TRPM1: variants seen among roughly 807,000 people sequenced by gnomAD.
The protein encoded by TRPM1 is TRPM1-203 APA Isoform, Intron 10.
TRPM1 carries 113 observed loss-of-function variants against 149.4 expected under a neutral mutation model. The ratio of observed to expected loss-of-function variants is 0.76; its 90% CI spans 0.65 to 0.88. The LOEUF is 0.88. Among genes scored for constraint, TRPM1 ranks in the 40% least tolerant of loss-of-function variants. TRPM1 has a pLI of 0.00. For missense variants in TRPM1, 1,976 were observed against 2,038.7 expected, an observed-to-expected ratio of 0.97 and a Z score of 0.59; for synonymous variants, 741 against 759.5, an observed-to-expected ratio of 0.98 and a Z score of 0.40.
chr15:31,113,863 T>C (rs538911602), intron 1 of TRPM1, among the ~76,000 whole-genome samples: 5 of 152,186 alleles, frequency 3.3e-5, no homozygotes, highest in African/African-American at 4.8e-5. Flanking sequence ...TCCCACACGC[T>C]GGAAGGGTAC....
At chr15:31,115,673 C>T (rs2035788596) in intron 1 of TRPM1, among the ~76,000 whole-genome samples, 1 of 151,852 alleles carries the variant, frequency 6.6e-6, no homozygotes, top group Non-Finnish European at 1.5e-5. Flanking sequence ...AGAAAAATCC[C>T]TTCCTGTTTC....
chr15:31,122,534 T>C (rs113258433), intron 1 of TRPM1, among the ~76,000 whole-genome samples: 349 of 152,244 alleles, frequency 2.3e-3, no homozygotes, highest in African/African-American at 8.0e-3. Context: ...TTCCTATATA[T>C]CAGATATGAA....
At chr15:31,039,682 A>T (rs2033548290) in intron 18 of TRPM1, among the ~76,000 whole-genome samples, 1 of 152,180 alleles carries the variant, frequency 6.6e-6, no homozygotes, top group Admixed American at 6.5e-5. Context: ...ATGTCATGAA[A>T]ACATCACTAG....
At chr15:31,150,902 AG>A (rs1316583725) in intron 1 of TRPM1, among the ~76,000 whole-genome samples, 3 of 152,166 alleles carry the variant, frequency 2.0e-5, no homozygotes, top group African/African-American at 7.2e-5. Flanking sequence ...ATGCGCAGTA[AG>A]GGGAACAAAG....
rs191812268 is a variant in TRPM1 at position 31,149,340 on chromosome 15, G to T, written c.54+11566C>A. Among the ~76,000 whole-genome samples, 353 of 152,254 alleles carry T rather than the reference G, an allele frequency of 2.3e-3. 2 individuals are homozygous for T. The highest frequency in any genetic ancestry group is 8.1e-3 in the African/African-American group (336 of 41,544). Reference sequence around the variant, plus strand: ...GCTTAGCTGAGGGGGGCGGGTGTGTGTGTTCTCTGGCCGTGCTTAAGAAAC... The same window carrying T: ...GCTTAGCTGAGGGGGGCGGGTGTGTTTGTTCTCTGGCCGTGCTTAAGAAAC... On this transcript the variant is annotated intron_variant, in intron 1 of 26. Transcript: ENST00000542188.
At chr15:31,036,542 C>T (rs1171382249) in intron 20 of TRPM1, among the ~76,000 whole-genome samples, 1 of 152,146 alleles carries the variant, frequency 6.6e-6, no homozygotes, top group East Asian at 1.9e-4. Context: ...AAGATTAGAG[C>T]CATGTTCTCA....
rs1275047171 is a variant in TRPM1 at position 31,002,229 on chromosome 15, C to G, written c.4471G>C (p.Glu1491Gln). The change falls in exon 28 of 28, where the codon GAA becomes CAA. Residue 1491 changes from glutamate to glutamine, a missense_variant. Around this residue, in one of 3 missense-constraint regions of TRPM1, gnomAD observed 572 missense variants for 578.9 expected, o/e 0.99. Transcript: ENST00000256552. ...SSITDQQLTT[E>Q]WQCQVQKITR... ...ATCTTTTGAACTTGGCATTGCCATTCCGTCGTCAATTGCTGGTCCGTGATT... is the reference window on the plus strand; with the variant it reads ...ATCTTTTGAACTTGGCATTGCCATTGCGTCGTCAATTGCTGGTCCGTGATT... The G allele has an allele frequency of 3.1e-6, 5 of 1,614,132 alleles. No homozygotes were observed. Among genetic ancestry groups the G allele is most frequent in the Admixed American group, 1.7e-5 (1 of 60,012 alleles).
chr15:31,091,464 C>T (rs1029962634), intron 1 of TRPM1, among the ~76,000 whole-genome samples: 7 of 152,166 alleles, frequency 4.6e-5, no homozygotes, highest in Non-Finnish European at 7.3e-5. Flanking sequence ...AGCAGGTTGG[C>T]CAGTTAGCTG....
chr15:31,042,994 C>T (rs186459994), intron 16 of TRPM1, among the ~76,000 whole-genome samples: 186 of 152,318 alleles, frequency 1.2e-3, no homozygotes, highest in African/African-American at 4.3e-3. Context: ...GCGTTCCCAT[C>T]AGTTATCTTC....
At chr15:31,113,675 G>A (rs1226761298) in intron 1 of TRPM1, among the ~76,000 whole-genome samples, 2 of 151,738 alleles carry the variant, frequency 1.3e-5, no homozygotes, top group Non-Finnish European at 2.9e-5. Context: ...CATCACCCAC[G>A]TTTTAAGACT....
intron 27 of TRPM1, among the ~76,000 whole-genome samples, chr15:31,011,448 G>A (rs2032178444): frequency 6.6e-6 from 1 of 151,674 alleles, no homozygotes; most frequent in Non-Finnish European, 1.5e-5. Flanking sequence ...AAGATATGGG[G>A]CCCTGCTATG....
At chr15:31,099,948 C>G (rs2035476490) in intron 1 of TRPM1, among the ~76,000 whole-genome samples, 2 of 152,156 alleles carry the variant, frequency 1.3e-5, no homozygotes, top group African/African-American at 4.8e-5. Flanking sequence ...GTTCTTAATT[C>G]CTCCCTAAAT....
intron 12 of TRPM1, 24 bp from the exon 13 acceptor site, chr15:31,049,533 C>A (rs998371253): frequency 6.2e-7 from 1 of 1,612,928 alleles, no homozygotes; most frequent in Non-Finnish European, 8.5e-7. Flanking sequence ...GGGCCGGGAG[C>A]CTGTGAGTGG....
At chr15:31,038,844 T>C (rs887684257) in intron 18 of TRPM1, among the ~76,000 whole-genome samples, 2 of 152,096 alleles carry the variant, frequency 1.3e-5, no homozygotes, top group African/African-American at 4.8e-5. Flanking sequence ...GTATTTTATA[T>C]AGAAATAACT....
intron 1 of TRPM1, among the ~76,000 whole-genome samples, chr15:31,134,140 G>C (rs189643588): frequency 2.0e-5 from 3 of 152,328 alleles, no homozygotes; most frequent in South Asian, 2.1e-4. Flanking sequence ...CTCAGGTTGG[G>C]CTGGGCTTAG....
rs555757735 is a variant in TRPM1, at chr15:31,149,956, T to C, written c.54+10950A>G. Among the ~76,000 whole-genome samples, 76 of 152,350 alleles carry C rather than the reference T, an allele frequency of 5.0e-4. 1 individual carries two copies. The highest frequency in any genetic ancestry group is 3.4e-3 in the Middle Eastern group (1 of 294). Reference sequence around the variant, plus strand: ...CAAATTCTTTTCTTTTCTGTCTTTCTTTCTTAAATATCCTGTGCTTGCTGC... The same window carrying C: ...CAAATTCTTTTCTTTTCTGTCTTTCCTTCTTAAATATCCTGTGCTTGCTGC... On this transcript the variant is annotated intron_variant, in intron 1 of 26. Transcript: ENST00000542188.
At chr15:31,007,222 G>T (rs185902204) in intron 27 of TRPM1, among the ~76,000 whole-genome samples, 139 of 152,236 alleles carry the variant, frequency 9.1e-4, no homozygotes, top group Non-Finnish European at 1.8e-3. Context: ...ATGTCAAACT[G>T]TCCTAACACC....
rs767969935 is a variant in TRPM1, at chr15:31,047,219, G to T, written c.1656C>A (p.Leu552=). ...ACTCCAGCACGAGCCCGATGTCTATGAGGCTGATGTGGTAATCAGGCGGAA... is the reference window on the plus strand; with the variant it reads ...ACTCCAGCACGAGCCCGATGTCTATTAGGCTGATGTGGTAATCAGGCGGAA... The part of the protein sequence containing the change: ...SNLPPDYHIS[L]IDIGLVLEYL... The change falls in exon 15 of 28, where the codon CTC becomes CTA. Residue 552 remains leucine, a synonymous_variant. Transcript: ENST00000256552. 3.1e-6 allele frequency: 5 copies of T among 1,614,122 alleles called. No homozygotes were observed. The East Asian group carries it at 6.7e-5, about 22-fold the overall frequency.
chr15:31,001,754 AGATG>A lies in TRPM1; in HGVS notation c.*64_*67del. Reference sequence around the variant, plus strand: ...ATGTTTTTAGAAATTGATGATGTTTAGATGGCCAAGATGACACCCATTAGTGGTT... The same window carrying A: ...ATGTTTTTAGAAATTGATGATGTTTAGCCAAGATGACACCCATTAGTGGTT... On this transcript the variant is annotated 3_prime_UTR_variant, in exon 28 of 28. Transcript: ENST00000256552. 1 of 1,526,074 alleles carries A rather than the reference AGATG, an allele frequency of 6.6e-7. No individual in the cohort carries two copies. The allele number at this position is 1,526,074 out of a possible 1,614,324, so 94.5% of individuals were successfully genotyped here.
Sources: gnomAD v4.1 joint callset for allele counts (sites outside exome capture counted in the v4.1 genomes callset) on GRCh38, gnomAD v4.1.1 for gene constraint, gnomAD v4.1.1 regional missense constraint, MANE v1.5 for transcripts, NCBI Gene and HGNC (gene_info 2026-07-23, HGNC 2026-07-21) for gene names.